Variants in ULK2 observed in about 807,000 individuals in gnomAD.
The protein encoded by ULK2 is unc-51 like autophagy activating kinase 2, also known as serine/threonine-protein kinase ULK2.
ULK2 carries 76 observed loss-of-function variants against 127.5 expected under a neutral mutation model. That is an observed-to-expected ratio of 0.60 (90% CI 0.50 to 0.72). The LOEUF is 0.72. Ranked by LOEUF, ULK2 falls within the 30% of genes least tolerant of loss-of-function variation. The pLI is 0.00. For synonymous variants in ULK2, 452 were observed against 461.9 expected, an observed-to-expected ratio of 0.98 and a Z score of 0.28; for missense variants, 1,144 against 1,295.9, an observed-to-expected ratio of 0.88 and a Z score of 1.80.
intron 9 of ULK2, chr17:19,840,154 GC>G: frequency 2.2e-6 from 1 of 452,320 alleles, no homozygotes; most frequent in Non-Finnish European, 4.5e-6. Context: ...ACTCTATCAC[GC>G]CTGGCCACTG....
chr17:19,865,774 A>T lies in ULK2; in HGVS notation c.145T>A (p.Ser49Thr), dbSNP rs954463699. 1.9e-6 allele frequency: 3 copies of T among 1,562,292 alleles called. No individual in the cohort carries two copies. The highest frequency in any genetic ancestry group is 2.6e-6 in the Non-Finnish European group (3 of 1,142,000). ...KSINKKNLSK[S>T]QILLGKEIKI... ...ATTTCCTTTCCAAGCAGTATTTGTG[A>T]TTTTGACAAGTTCTTTTTATTAATA... Residue 49 changes from serine (S) to threonine (T), a missense_variant, in exon 2 of 27, where the codon TCA becomes ACA. Physicochemically the swap from Ser to Thr is moderately conservative, Grantham distance 58. This residue lies in a region of ULK2 where 231 missense variants were observed against 325.4 expected (regional missense o/e 0.71). Transcript: ENST00000395544.
intron 12 of ULK2, among the ~76,000 whole-genome samples, chr17:19,822,653 C>A (rs1365492360): frequency 6.6e-6 from 1 of 151,806 alleles, no homozygotes; most frequent in African/African-American, 2.4e-5. Context: ...TAGGCATGAA[C>A]CACCACACCC....
intron 3 of ULK2, chr17:19,860,797 T>C (rs2042225543): frequency 6.6e-6 from 1 of 152,242 alleles, no homozygotes. Context: ...GTGCTGGTAT[T>C]ACAGGCATGA....
chr17:19,855,749 A>G (rs1022274593), intron 3 of ULK2: 1 of 152,270 alleles, frequency 6.6e-6, no homozygotes, highest in South Asian at 2.1e-4. Context: ...CAAGTGCCCA[A>G]GTCCTAACAA....
chr17:19,808,455 G>A (rs1299901635), intron 14 of ULK2, among the ~76,000 whole-genome samples: 1 of 152,088 alleles, frequency 6.6e-6, no homozygotes, highest in Admixed American at 6.5e-5. Context: ...CTTAAAAAAT[G>A]TTCATGTATC....
intron 26 of ULK2, 67 bp from the exon 27 acceptor site, chr17:19,776,474 T>C: frequency 1.5e-6 from 2 of 1,370,750 alleles, no homozygotes; most frequent in Non-Finnish European, 2.0e-6. Context: ...CTCTATTCTA[T>C]CTTTGCCCCA....
chr17:19,824,738 C>T (rs903569088), intron 12 of ULK2, among the ~76,000 whole-genome samples: 4 of 152,170 alleles, frequency 2.6e-5, no homozygotes, highest in Non-Finnish European at 5.9e-5. Context: ...CTCATGTCTA[C>T]GGCATTCAGA....
intron 15 of ULK2, among the ~76,000 whole-genome samples, chr17:19,803,605 T>C (rs902276423): frequency 6.6e-6 from 1 of 152,266 alleles, no homozygotes; most frequent in Non-Finnish European, 1.5e-5. Flanking sequence ...ATCACTTTAC[T>C]TTTTTCATTT....
At chr17:19,866,859 G>A (rs1014419866) in intron 1 of ULK2, among the ~76,000 whole-genome samples, 1 of 152,162 alleles carries the variant, frequency 6.6e-6, no homozygotes, top group Non-Finnish European at 1.5e-5. Context: ...GACCAGTGCT[G>A]GGAAAGGTGA....
At chr17:19,796,747 CTGTGTTGGAG>C (rs1305696594) in intron 18 of ULK2, among the ~76,000 whole-genome samples, 1 of 152,152 alleles carries the variant, frequency 6.6e-6, no homozygotes, top group Non-Finnish European at 1.5e-5. Flanking sequence ...CACTGGATGT[CTGTGTTGGAG>C]TGCATTTTTT....
At chr17:19,812,300 GGTGA>G (rs1425714654) in intron 13 of ULK2, among the ~76,000 whole-genome samples, 6 of 152,120 alleles carry the variant, frequency 3.9e-5, no homozygotes, top group South Asian at 2.1e-4. Flanking sequence ...TGGAGGGAGG[GGTGA>G]GTAACTGTGA....
intron 10 of ULK2, among the ~76,000 whole-genome samples, chr17:19,833,583 G>A (rs534524005): frequency 1.3e-3 from 194 of 151,932 alleles, no homozygotes; most frequent in African/African-American, 4.3e-3. Flanking sequence ...GGTGGTGGGC[G>A]CCTGTAGTCC....
At chr17:19,836,966 G>C (rs948459901) in intron 10 of ULK2, among the ~76,000 whole-genome samples, 1 of 151,906 alleles carries the variant, frequency 6.6e-6, no homozygotes, top group Non-Finnish European at 1.5e-5. Flanking sequence ...CAGGCTTGTA[G>C]TCCCAGCTAC....
Position 19,775,028 on chromosome 17 carries a change from T to C in ULK2, c.*1321A>G, listed in dbSNP as rs1193138689. On this transcript the variant is annotated 3_prime_UTR_variant, in exon 27 of 27. Transcript: ENST00000395544. ...TTTGTTTTTATCAGTACATTAAAAT[T>C]AGATTAATGCCAAAGAGCTCTGTGC... 6.6e-6 allele frequency: 1 copy of C among 152,648 alleles called. No homozygotes were observed. The highest frequency in any genetic ancestry group is 1.9e-4 in the East Asian group (1 of 5,204). The allele number at this position is 152,648 out of a possible 1,614,324, so 9.5% of individuals were successfully genotyped here.
intron 12 of ULK2, 126 bp downstream of exon 12, chr17:19,824,968 C>G: frequency 1.1e-6 from 1 of 941,732 alleles, no homozygotes; most frequent in Non-Finnish European, 1.6e-6. Flanking sequence ...TTCTTTCCCC[C>G]AAATCTCAGC....
intron 12 of ULK2, among the ~76,000 whole-genome samples, chr17:19,818,837 G>A (rs2041064340): frequency 9.3e-6 from 1 of 108,000 alleles, no homozygotes; most frequent in Admixed American, 1.5e-4. Flanking sequence ...GTCTCACTGT[G>A]TCACCCAGGC....
intron 18 of ULK2, 55 bp from the exon 19 acceptor site, chr17:19,796,337 C>CAA: frequency 2.1e-6 from 3 of 1,462,170 alleles, no homozygotes; most frequent in South Asian, 3.0e-5. Context: ...GATGCATGAA[C>CAA]TATTCAGTAC....
intron 12 of ULK2, 114 bp downstream of exon 12, chr17:19,824,980 A>T: frequency 9.9e-7 from 1 of 1,009,706 alleles, no homozygotes; most frequent in Non-Finnish European, 1.5e-6. Context: ...AATCTCAGCT[A>T]CATTAGTAAA....
At position 19,846,918 on chromosome 17, in the gene ULK2, A is replaced by G. The variant is rs1358252544; in HGVS notation, c.296-8T>C. 17 of 1,600,020 alleles carry G rather than the reference A, an allele frequency of 1.1e-5. No homozygotes were observed. Among genetic ancestry groups the G allele is most frequent in the Non-Finnish European group, 1.4e-5 (17 of 1,173,410 alleles). On this transcript the variant is annotated splice_region_variant and splice_polypyrimidine_tract_variant and intron_variant, in intron 5 of 26. Coordinates refer to ENST00000395544, the MANE Select transcript of ULK2 (RefSeq NM_014683.4). ...CACTGAGAGTCCCTTTCGCTGGTACAAAAGGAGTCACGTAAATATTTAAGC... is the reference window on the plus strand; with the variant it reads ...CACTGAGAGTCCCTTTCGCTGGTACGAAAGGAGTCACGTAAATATTTAAGC...
Sources: allele counts gnomAD v4.1 joint callset (sites outside exome capture counted in the v4.1 genomes callset), GRCh38; gene constraint gnomAD v4.1.1; regional missense constraint gnomAD v4.1.1; transcripts MANE v1.5; gene names NCBI Gene and HGNC (gene_info 2026-07-23, HGNC 2026-07-21).